Variants in MYOF observed in about 807,000 individuals in gnomAD.
MYOF encodes the protein fer-1-like 3, myoferlin.
Under a neutral mutation model 284.2 loss-of-function variants are expected in MYOF, and 244 were observed. That is an observed-to-expected ratio of 0.86 (90% CI 0.77 to 0.95). The LOEUF (loss-of-function observed/expected upper bound fraction) is 0.95, where lower values mean the gene tolerates loss of function less well. MYOF is among the 40% of genes least tolerant of loss of function. MYOF has a pLI of 0.00. For synonymous variants in MYOF, 904 were observed against 919.7 expected, an observed-to-expected ratio of 0.98 and a Z score of 0.31; for missense variants, 2,496 against 2,560.6, an observed-to-expected ratio of 0.97 and a Z score of 0.54.
At position 93,408,789 on chromosome 10, in the gene MYOF, CA is replaced by C; in HGVS notation, c.726del (p.Asp242GlufsTer10). The stretch of plus-strand genomic sequence containing the variant: ...ACATGCCCTCTCAACCCCTTTACCT[CA>C]TCAAAAAAAGGGTTGTTTCCTCTCT... ...RIKRGNNPFF[D>X]ELFFYNVNMT... On this transcript the variant is annotated frameshift_variant, in exon 7 of 54. Transcript: ENST00000359263. LOFTEE classifies it high-confidence loss of function. The C allele has an allele frequency of 1.2e-6, 2 of 1,614,056 alleles. No individual in the cohort carries two copies. Among genetic ancestry groups the C allele is most frequent in the Non-Finnish European group, 1.7e-6 (2 of 1,179,998 alleles).
At chr10:93,347,585 C>T (rs747616850) in intron 37 of MYOF, 32 bp downstream of exon 37, 9 of 905,758 alleles carry the variant, frequency 9.9e-6, no homozygotes, top group South Asian at 2.2e-5. Flanking sequence ...AAAAGAAAAG[C>T]CCCCAGACTT....
intron 7 of MYOF, among the ~76,000 whole-genome samples, chr10:93,405,659 C>T (rs12265046): frequency 0.068 from 10,317 of 152,218 alleles, 458 homozygotes; most frequent in African/African-American, 0.13. Flanking sequence ...GCAAATTGGC[C>T]ATTTGACAAG....
In MYOF at chr10:93,369,767, C is replaced by T. The variant is rs1236102950; in HGVS notation, c.2467G>A (p.Glu823Lys). The T allele has an allele frequency of 6.2e-7, 1 of 1,614,128 alleles. No homozygotes were observed. Among genetic ancestry groups the T allele is most frequent in the South Asian group, 1.1e-5 (1 of 91,068 alleles). ...GGCACCTTTGGCCCGTTGTTTTTCT[C>T]CTGTGGATACTGTGAGATGAACAAT... ...TQTIFLKYPQEKNNGPKVPVE... is the reference protein window; with the variant it reads ...TQTIFLKYPQKKNNGPKVPVE... The change falls in exon 25 of 54, where the codon GAG (glutamate) becomes AAG (lysine). Residue 823 changes from glutamate (E) to lysine (K), a missense_variant. Transcript: ENST00000359263.
rs150343938 is a variant in MYOF at position 93,429,668 on chromosome 10, G to A, written c.345+1740C>T. Among the ~76,000 whole-genome samples, 269 of 152,270 alleles carry A rather than the reference G, an allele frequency of 1.8e-3. 1 individual carries two copies. The highest frequency in any genetic ancestry group is 0.017 in the South Asian group (80 of 4,820). ...AGCAAAACTGCCTTTCTCTCATATG[G>A]CTGTTGAGAGCCTAGCTTTGCTTAC... is the stretch of plus-strand genomic sequence containing the variant. On this transcript the variant is annotated intron_variant, in intron 4 of 53. Coordinates refer to ENST00000359263, the MANE Select transcript of MYOF (RefSeq NM_013451.4).
chr10:93,386,132 C>A (rs548119024), intron 19 of MYOF, among the ~76,000 whole-genome samples: 2 of 152,266 alleles, frequency 1.3e-5, no homozygotes, highest in Non-Finnish European at 2.9e-5. Flanking sequence ...TGAATTCCAA[C>A]CAATATTTCA....
intron 3 of MYOF, among the ~76,000 whole-genome samples, chr10:93,449,599 G>A (rs919680704): frequency 6.6e-6 from 1 of 152,156 alleles, no homozygotes; most frequent in African/African-American, 2.4e-5. Context: ...AACTTAAAAA[G>A]CTAGAATAGT....
rs370913704 is a variant in MYOF at position 93,377,316 on chromosome 10, A to G, written c.2108+7T>C. ...AAAATTCTGAGATAGGCGTAAGATC[A>G]CTGTACCTCGTGTCTTCTATAACTT... On this transcript the variant is annotated splice_region_variant and intron_variant, in intron 22 of 53. Transcript: ENST00000359263. 8 of 1,606,098 alleles carry G rather than the reference A, an allele frequency of 5.0e-6. No homozygotes were observed. The East Asian group carries it at 8.9e-5, about 18-fold the overall frequency.
intron 5 of MYOF, among the ~76,000 whole-genome samples, chr10:93,412,877 C>T (rs1246168991): frequency 6.6e-6 from 1 of 152,190 alleles, no homozygotes; most frequent in Non-Finnish European, 1.5e-5. Context: ...TTGGCACCAG[C>T]CTCGGGGAAG....
At chr10:93,389,223 ATTAG>A (rs1278458156) in intron 17 of MYOF, 69 bp from the exon 18 acceptor site, 60 of 1,505,058 alleles carry the variant, frequency 4.0e-5, no homozygotes, top group Middle Eastern at 1.7e-4. Context: ...AATATTAGTT[ATTAG>A]TTAGTTAGGT....
intron 41 of MYOF, among the ~76,000 whole-genome samples, chr10:93,335,613 TGCG>T (rs1843563107): frequency 1.5e-5 from 2 of 134,100 alleles, no homozygotes; most frequent in African/African-American, 5.3e-5. Context: ...CAGGAAGAGA[TGCG>T]GAGATGGCTC....
Position 93,338,744 on chromosome 10 carries a change from A to G in MYOF, c.4339-831T>C, listed in dbSNP as rs1349418262. On this transcript the variant is annotated intron_variant, in intron 39 of 53. Transcript: ENST00000359263. ...CCCCAGGAGAGTCCAATACGTAGAC[A>G]GTGTTGGGAATCTCTGGTTTGAATG... Among the ~76,000 whole-genome samples the G allele has an allele frequency of 2.0e-5, 3 of 152,132 alleles. No individual in the cohort carries two copies. In the East Asian group the frequency reaches 5.8e-4, roughly 29 times the overall value.
At chr10:93,389,270 G>T in intron 17 of MYOF, 116 bp from the exon 18 acceptor site, 1 of 1,193,828 alleles carries the variant, frequency 8.4e-7, no homozygotes, top group Non-Finnish European at 1.1e-6. Context: ...GGAGTTAGTT[G>T]TATTAATGCA....
At chr10:93,342,020 A>T (rs1034704831) in intron 38 of MYOF, 13 of 1,237,870 alleles carry the variant, frequency 1.1e-5, no homozygotes, top group Non-Finnish European at 1.4e-5. Flanking sequence ...TGTCCATGTT[A>T]TCTGGCTAGC....
intron 49 of MYOF, among the ~76,000 whole-genome samples, chr10:93,318,463 A>G (rs368704226): frequency 1.6e-4 from 24 of 151,994 alleles, no homozygotes; most frequent in African/African-American, 5.5e-4. Context: ...TCCCACTGGT[A>G]TTAAAACAGT....
chr10:93,311,529 C>T (rs1349553971), intron 51 of MYOF, among the ~76,000 whole-genome samples: 1 of 149,010 alleles, frequency 6.7e-6, no homozygotes, highest in Non-Finnish European at 1.5e-5. Flanking sequence ...GCAGAGGTTG[C>T]AGTAAGCAGA....
intron 3 of MYOF, among the ~76,000 whole-genome samples, chr10:93,442,291 AAGAATTAGCT>A (rs2056291309): frequency 6.6e-6 from 1 of 152,188 alleles, no homozygotes; most frequent in African/African-American, 2.4e-5. Flanking sequence ...CCTAGAAGAA[AAGAATTAGCT>A]ATTTTGTTGT....
Position 93,396,212 on chromosome 10 carries a change from AGTAAGACG to A in MYOF, c.1339_1346del (p.Arg447Ter). 1 of 1,600,266 alleles carries A rather than the reference AGTAAGACG, an allele frequency of 6.2e-7. No individual in the cohort carries two copies. The highest frequency in any genetic ancestry group is 1.3e-5 in the African/African-American group (1 of 74,710). ...ATGTTGTTCCAACTACATCATTTTTAGTAAGACGGTCCCTGTGTAAAAAATAAAAATAA... is the reference window on the plus strand; with the variant it reads ...ATGTTGTTCCAACTACATCATTTTTAGTCCCTGTGTAAAAAATAAAAATAA... On this transcript the variant is annotated frameshift_variant, in exon 16 of 54. Transcript: ENST00000359263. LOFTEE classifies it high-confidence loss of function.
chr10:93,405,750 A>T (rs1217564490), intron 7 of MYOF, among the ~76,000 whole-genome samples: 2 of 151,880 alleles, frequency 1.3e-5, no homozygotes, highest in Non-Finnish European at 2.9e-5. Flanking sequence ...ATTGGTGATA[A>T]CAAGTTTAAT....
chr10:93,361,541 G>A lies in MYOF; in HGVS notation c.2885C>T (p.Ala962Val), dbSNP rs1247730185. The A allele has an allele frequency of 1.2e-6, 2 of 1,614,078 alleles. No individual in the cohort carries two copies. The change falls in exon 28 of 54, where the codon GCA becomes GTA. Residue 962 changes from alanine (A) to valine (V), a missense_variant. By Grantham distance (64) the Ala-to-Val change is moderately conservative (BLOSUM62 0). Around this residue, in one of 3 missense-constraint regions of MYOF, gnomAD observed 2,436 missense variants for 2,480.7 expected, o/e 0.98. Coordinates refer to ENST00000359263, the MANE Select transcript of MYOF (RefSeq NM_013451.4). The stretch of plus-strand genomic sequence containing the variant: ...AGGACAAGTCAACTCGCTGGGTGAT[G>A]CTGCTTTATCGCCGTTCTTACAAAA... ...TYTDANGDKA[A>V]SPSELTCPPG...
Sources: gnomAD v4.1 joint callset for allele counts (sites outside exome capture counted in the v4.1 genomes callset) on GRCh38, gnomAD v4.1.1 for gene constraint, gnomAD v4.1.1 regional missense constraint, MANE v1.5 for transcripts, NCBI Gene and HGNC (gene_info 2026-07-23, HGNC 2026-07-21) for gene names.